The following SCHIP1 variants were observed in gnomAD, a reference collection of about 807,000 sequenced individuals.
SCHIP1 encodes schwannomin-interacting protein 1.
In SCHIP1, 8 loss-of-function variants were observed where a neutral mutation model predicts 29.7. The ratio of observed to expected loss-of-function variants is 0.27; its 90% CI spans 0.16 to 0.49. The LOEUF is 0.49. Among genes scored for constraint, SCHIP1 ranks in the 20% least tolerant of loss-of-function variants. SCHIP1 has a pLI of 0.99. For synonymous variants in SCHIP1, 76 were observed against 94.9 expected (o/e 0.80, Z 1.16); for missense variants, 193 against 294.6 (o/e 0.66, Z 2.52).
At chr3:159,776,524 C>T in the SCHIP1 span, among the ~76,000 whole-genome samples, 1 of 152,070 alleles carries the variant, frequency 6.6e-6, no homozygotes, top group Non-Finnish European at 1.5e-5. Context: ...ATTGTATAAC[C>T]AGTAATCTGT....
chr3:159,837,168 A>G (rs1743742105), upstream of SCHIP1, among the ~76,000 whole-genome samples: 1 of 151,880 alleles, frequency 6.6e-6, no homozygotes, highest in South Asian at 2.1e-4. Flanking sequence ...AATATATCCC[A>G]TTGTCTTCAG....
the SCHIP1 span, among the ~76,000 whole-genome samples, chr3:159,796,543 C>G: frequency 1.3e-5 from 2 of 152,166 alleles, no homozygotes; most frequent in African/African-American, 4.8e-5. Flanking sequence ...GTGACTGGAG[C>G]AATGACATCT....
chr3:159,462,893 A>T, the SCHIP1 span, among the ~76,000 whole-genome samples: 3 of 152,174 alleles, frequency 2.0e-5, no homozygotes, highest in Non-Finnish European at 4.4e-5. Context: ...GATAGGGGAA[A>T]ATTAAAGCCA....
At chr3:159,442,505 G>T in the SCHIP1 span, among the ~76,000 whole-genome samples, 4 of 152,284 alleles carry the variant, frequency 2.6e-5, no homozygotes, top group Admixed American at 6.5e-5. Flanking sequence ...GCATCCAGTG[G>T]TTTTTTCAGC....
the SCHIP1 span, among the ~76,000 whole-genome samples, chr3:159,406,719 G>A: frequency 6.6e-6 from 1 of 152,104 alleles, no homozygotes; most frequent in East Asian, 1.9e-4. Context: ...GATATAAATA[G>A]AAAAAACAAA....
the SCHIP1 span, among the ~76,000 whole-genome samples, chr3:159,645,940 G>A: frequency 6.2e-3 from 949 of 152,202 alleles, 16 homozygotes; most frequent in African/African-American, 0.02. Context: ...AGATTCTGTG[G>A]AATATAAGAG....
the SCHIP1 span, among the ~76,000 whole-genome samples, chr3:159,482,151 A>G: frequency 6.6e-6 from 1 of 152,188 alleles, no homozygotes; most frequent in African/African-American, 2.4e-5. Context: ...ATGTTATTTC[A>G]GAAACATTCC....
the SCHIP1 span, among the ~76,000 whole-genome samples, chr3:159,365,156 C>T: frequency 2.0e-5 from 3 of 152,184 alleles, no homozygotes; most frequent in South Asian, 4.1e-4. Context: ...AGGATTGGGG[C>T]GGGTACCAGA....
At chr3:159,409,838 A>T in the SCHIP1 span, among the ~76,000 whole-genome samples, 2 of 152,164 alleles carry the variant, frequency 1.3e-5, no homozygotes, top group African/African-American at 4.8e-5. Context: ...AACAAAAAGA[A>T]CAAAACTGGA....
the SCHIP1 span, among the ~76,000 whole-genome samples, chr3:159,473,465 G>T: frequency 6.6e-6 from 1 of 151,810 alleles, no homozygotes; most frequent in African/African-American, 2.4e-5. Flanking sequence ...AAATCATAAA[G>T]AATTACTTGG....
At chr3:159,496,384 C>A in the SCHIP1 span, among the ~76,000 whole-genome samples, 1 of 152,072 alleles carries the variant, frequency 6.6e-6, no homozygotes, top group East Asian at 1.9e-4. Context: ...CCAGAATCTA[C>A]AATGAACTCA....
intron 2 of SCHIP1, among the ~76,000 whole-genome samples, chr3:159,871,101 T>C (rs1385752317): frequency 6.6e-6 from 1 of 152,168 alleles, no homozygotes; most frequent in African/African-American, 2.4e-5. Flanking sequence ...AAAGTATTAA[T>C]TTTAATTAAG....
chr3:159,659,933 G>A, the SCHIP1 span, among the ~76,000 whole-genome samples: 4 of 152,194 alleles, frequency 2.6e-5, no homozygotes, highest in South Asian at 4.2e-4. Flanking sequence ...GTATTCTGGC[G>A]ATCTCCTTGC....
chr3:159,822,714 G>A, the SCHIP1 span, among the ~76,000 whole-genome samples: 1 of 150,580 alleles, frequency 6.6e-6, no homozygotes. Flanking sequence ...ACTAACACTG[G>A]AAAATGACTC....
chr3:159,877,067 G>T (rs1715899157), intron 2 of SCHIP1, among the ~76,000 whole-genome samples: 1 of 152,176 alleles, frequency 6.6e-6, no homozygotes, highest in Non-Finnish European at 1.5e-5. Context: ...CCCTATTTTA[G>T]GCTGGGAGCA....
the SCHIP1 span, among the ~76,000 whole-genome samples, chr3:159,453,711 C>T: frequency 6.6e-6 from 1 of 152,198 alleles, no homozygotes; most frequent in African/African-American, 2.4e-5. Flanking sequence ...ATGGAGGTTC[C>T]ACCTGGATTT....
chr3:159,783,976 G>C, the SCHIP1 span, among the ~76,000 whole-genome samples: 1 of 152,170 alleles, frequency 6.6e-6, no homozygotes, highest in African/African-American at 2.4e-5. Context: ...ACTCCACCCC[G>C]GGGCTTCTTT....
chr3:159,777,138 A>G, the SCHIP1 span, among the ~76,000 whole-genome samples: 1 of 152,238 alleles, frequency 6.6e-6, no homozygotes, highest in Admixed American at 6.5e-5. Context: ...ATACATATAC[A>G]TTTGTGAGAC....
the SCHIP1 span, among the ~76,000 whole-genome samples, chr3:159,466,316 C>CAAGA: frequency 2.0e-5 from 3 of 151,298 alleles, no homozygotes; most frequent in African/African-American, 4.9e-5. Flanking sequence ...GACCCTGTCT[C>CAAGA]AAGAAAGAAA....
Sources: allele counts gnomAD v4.1 joint callset (sites outside exome capture counted in the v4.1 genomes callset), GRCh38; gene constraint gnomAD v4.1.1; transcripts MANE v1.5; gene names NCBI Gene and HGNC (gene_info 2026-07-23, HGNC 2026-07-21).